The following SFI1 variants were observed in gnomAD, a reference collection of about 807,000 sequenced individuals.
SFI1 encodes the protein protein SFI1 homolog.
SFI1 carries 195 observed loss-of-function variants against 207.5 expected under a neutral mutation model. That is an observed-to-expected ratio of 0.94 (90% confidence interval 0.84 to 1.06). SFI1 has a LOEUF of 1.06. Among genes scored for constraint, SFI1 ranks in the 50% least tolerant of loss-of-function variants. The pLI is 0.00. For synonymous variants in SFI1, 630 were observed against 598.9 expected (o/e 1.05, Z -0.76); for missense variants, 1,634 against 1,588.0 (o/e 1.03, Z -0.49).
intron 15 of SFI1, among the ~76,000 whole-genome samples, chr22:31,600,890 T>C (rs1319394255): frequency 6.6e-6 from 1 of 152,244 alleles, no homozygotes; most frequent in African/African-American, 2.4e-5. Context: ...GTGACTGTGT[T>C]CTGACTAGAA....
At chr22:31,542,157 C>T (rs1237914791) in intron 4 of SFI1, among the ~76,000 whole-genome samples, 1 of 149,534 alleles carries the variant, frequency 6.7e-6, no homozygotes, top group Non-Finnish European at 1.5e-5. Context: ...CCTATAATCT[C>T]TCCCCCACCC....
rs142148986 is a variant in SFI1, at chr22:31,577,524, C to T, written c.1085-858C>T. ...CTGGGCTTAAGCAATCCTCCCCCCT[C>T]AGCCTACGAAGTAGGTGAAACTACA... is the stretch of plus-strand genomic sequence containing the variant. On this transcript the variant is annotated intron_variant, in intron 10 of 32. Coordinates refer to ENST00000400288, the MANE Select transcript of SFI1 (RefSeq NM_001007467.3). Among the ~76,000 whole-genome samples, 871 of 152,272 alleles carry T rather than the reference C, an allele frequency of 5.7e-3. 10 individuals are homozygous for T. Among genetic ancestry groups the T allele is most frequent in the African/African-American group, 0.02 (835 of 41,546 alleles).
chr22:31,611,778 C>G lies in SFI1; in HGVS notation c.2428C>G (p.Gln810Glu). The G allele has an allele frequency of 4.3e-6, 7 of 1,613,572 alleles. No homozygotes were observed. Among genetic ancestry groups the G allele is most frequent in the Non-Finnish European group, 5.9e-6 (7 of 1,179,934 alleles). The change falls in exon 24 of 33, where the codon CAG (glutamine) becomes GAG (glutamate). Residue 810 changes from glutamine to glutamate, a missense_variant. Physicochemically the swap from Gln to Glu is conservative, Grantham distance 29. Coordinates refer to ENST00000400288, the MANE Select transcript of SFI1 (RefSeq NM_001007467.3). ...QCVRKRLLHR[Q>E]STQLLAQRLS... ...TGCTCTCCCCCAGCTCCTGCACAGG[C>G]AGAGCACCCAACTGCTGGCACAGAG...
intron 8 of SFI1, among the ~76,000 whole-genome samples, chr22:31,567,693 C>T (rs1250239072): frequency 1.3e-5 from 2 of 152,014 alleles, no homozygotes; most frequent in Non-Finnish European, 2.9e-5. Flanking sequence ...GAATAAAGTA[C>T]TTCTGTGAAT....
At chr22:31,601,089 G>A (rs1481773305) in intron 15 of SFI1, among the ~76,000 whole-genome samples, 1 of 150,306 alleles carries the variant, frequency 6.7e-6, no homozygotes, top group Non-Finnish European at 1.5e-5. Context: ...AGGCAGAGAT[G>A]ACAAAACAGT....
chr22:31,511,464 G>GTTGT (rs1225848080), intron 2 of SFI1, among the ~76,000 whole-genome samples: 4 of 114,558 alleles, frequency 3.5e-5, no homozygotes, highest in African/African-American at 6.3e-5. Flanking sequence ...CATAGTTTCT[G>GTTGT]TTTTTTTTTT....
intron 4 of SFI1, among the ~76,000 whole-genome samples, chr22:31,543,601 G>C (rs550435648): frequency 6.6e-6 from 1 of 152,178 alleles, no homozygotes; most frequent in East Asian, 1.9e-4. Context: ...CCCGAGCTCA[G>C]GAGTTCGAGA....
At chr22:31,583,786 T>G (rs2064659486) in intron 12 of SFI1, 89 bp from the exon 13 acceptor site, 1 of 1,147,076 alleles carries the variant, frequency 8.7e-7, no homozygotes, top group African/African-American at 1.5e-5. Context: ...CATTTCTGCT[T>G]TGGGGGAGCT....
chr22:31,612,017 G>A (rs968363481), intron 24 of SFI1, 177 bp downstream of exon 24: 12 of 1,402,096 alleles, frequency 8.6e-6, no homozygotes, highest in Middle Eastern at 3.9e-4. Flanking sequence ...GCTTCCTTCC[G>A]TCTGCAGTCT....
At position 31,604,900 on chromosome 22, in the gene SFI1, G is replaced by A. The variant is rs756957165; in HGVS notation, c.2009G>A (p.Arg670Gln). 58 of 1,611,606 alleles carry A rather than the reference G, an allele frequency of 3.6e-5. No individual in the cohort carries two copies. The South Asian group carries it at 4.3e-4, about 12-fold the overall frequency. Residue 670 changes from arginine to glutamine, a missense_variant, in exon 20 of 33, where the codon CGG becomes CAG. Physicochemically the swap from Arg to Gln is conservative, Grantham distance 43. Transcript: ENST00000400288. ...CAGGGCAGGGTGCGAAGCATCCTCC[G>A]GGAGGTGGCAGCCAGGGAGAGCCAG... ...TYQGRVRSIL[R>Q]EVAARESQHN...
chr22:31,537,507 C>T (rs774631946), intron 4 of SFI1, among the ~76,000 whole-genome samples: 2 of 152,162 alleles, frequency 1.3e-5, no homozygotes, highest in African/African-American at 4.8e-5. Context: ...CATGTCTTCG[C>T]TCTTCAGTGG....
chr22:31,500,666 A>G (rs1436612910), intron 1 of SFI1, among the ~76,000 whole-genome samples: 3 of 152,164 alleles, frequency 2.0e-5, no homozygotes, highest in African/African-American at 4.8e-5. Context: ...CATGTTGGCC[A>G]GGCTGGTCTC....
At chr22:31,591,079 A>G (rs1444959111) in intron 15 of SFI1, among the ~76,000 whole-genome samples, 4 of 151,520 alleles carry the variant, frequency 2.6e-5, no homozygotes, top group Non-Finnish European at 5.9e-5. Flanking sequence ...CAAGTGAACA[A>G]AGGTCTCTGG....
At chr22:31,573,437 GA>G (rs1315849008) in intron 9 of SFI1, among the ~76,000 whole-genome samples, 9 of 148,410 alleles carry the variant, frequency 6.1e-5, no homozygotes, top group Admixed American at 2.7e-4. Context: ...TCTGTAGATA[GA>G]TTTTTTTTTT....
Position 31,498,076 on chromosome 22 carries a change from C to T in SFI1, c.-31+1439C>T, listed in dbSNP as rs9621273. On this transcript the variant is annotated intron_variant, in intron 1 of 32. Transcript: ENST00000400288. Reference sequence around the variant, plus strand: ...TTGGGAGGCCGAGGCGGGTGGATCACGAGGTCAGGAGTTTGAGACCAGCCT... The same window carrying T: ...TTGGGAGGCCGAGGCGGGTGGATCATGAGGTCAGGAGTTTGAGACCAGCCT... Among the ~76,000 whole-genome samples the T allele has an allele frequency of 7.6e-3, 1,153 of 152,212 alleles. 23 individuals carry two copies. The highest frequency in any genetic ancestry group is 0.025 in the African/African-American group (1,035 of 41,538).
chr22:31,502,566 G>A (rs1203664347), intron 1 of SFI1, among the ~76,000 whole-genome samples: 1 of 151,902 alleles, frequency 6.6e-6, no homozygotes, highest in Non-Finnish European at 1.5e-5. Flanking sequence ...TAGAGACGGG[G>A]TTTCACCATG....
chr22:31,562,823 C>T (rs796327006), intron 8 of SFI1, among the ~76,000 whole-genome samples: 10 of 150,794 alleles, frequency 6.6e-5, no homozygotes, highest in African/African-American at 1.7e-4. Flanking sequence ...TTAGTAGAGA[C>T]GGGGTTTCAC....
intron 16 of SFI1, 151 bp from the exon 17 acceptor site, chr22:31,602,456 T>A: frequency 9.0e-7 from 1 of 1,114,434 alleles, no homozygotes; most frequent in Non-Finnish European, 1.3e-6. Context: ...CCTTTCTCAG[T>A]GGAGCCTACA....
chr22:31,531,874 C>A (rs1332598148), intron 4 of SFI1, among the ~76,000 whole-genome samples: 1 of 144,942 alleles, frequency 6.9e-6, no homozygotes, highest in Non-Finnish European at 1.5e-5. Flanking sequence ...GCCTCGGCAA[C>A]AAGAGCGAAA....
Sources: gnomAD v4.1 joint callset for allele counts (sites outside exome capture counted in the v4.1 genomes callset) on GRCh38, gnomAD v4.1.1 for gene constraint, MANE v1.5 for transcripts, NCBI Gene and HGNC (gene_info 2026-07-23, HGNC 2026-07-21) for gene names.